ARHGAP31: variants seen among roughly 807,000 people sequenced by gnomAD.
ARHGAP31 encodes the protein rho GTPase-activating protein 31.
In ARHGAP31, 34 loss-of-function variants were observed where a neutral mutation model predicts 113.9. The ratio of observed to expected loss-of-function variants is 0.30; its 90% CI spans 0.23 to 0.40. ARHGAP31 has a LOEUF of 0.40. ARHGAP31 is among the 10% of genes least tolerant of loss of function. The pLI is 1.00. For missense variants in ARHGAP31, 1,548 were observed against 1,767.1 expected, an observed-to-expected ratio of 0.88 and a Z score of 2.22; for synonymous variants, 650 against 684.8, an observed-to-expected ratio of 0.95 and a Z score of 0.79.
At chr3:119,386,330 G>A (rs2080447728) in intron 6 of ARHGAP31, among the ~76,000 whole-genome samples, 2 of 152,144 alleles carry the variant, frequency 1.3e-5, no homozygotes, top group South Asian at 4.1e-4. Context: ...CTGGAGGCTG[G>A]GAATTTCAAG....
intron 11 of ARHGAP31, 147 bp downstream of exon 11, chr3:119,409,923 A>G (rs2080701705): frequency 3.5e-6 from 3 of 849,916 alleles, no homozygotes; most frequent in South Asian, 3.7e-5. Context: ...CTTGTAATGA[A>G]GGTCTGAGAT....
chr3:119,295,140 CTT>C (rs10707359), intron 1 of ARHGAP31, 136 bp downstream of exon 1: 691 of 620,370 alleles, frequency 1.1e-3, no homozygotes, highest in Middle Eastern at 2.2e-3. Context: ...ACTTTTTTTT[CTT>C]TTTTTTTTTT....
chr3:119,340,835 T>G (rs963847034), intron 1 of ARHGAP31, among the ~76,000 whole-genome samples: 3 of 152,218 alleles, frequency 2.0e-5, no homozygotes, highest in Non-Finnish European at 2.9e-5. Context: ...CCAAATCTAT[T>G]ATTCTGCCTT....
At chr3:119,338,428 TAAAC>T (rs1470401482) in intron 1 of ARHGAP31, among the ~76,000 whole-genome samples, 10 of 152,222 alleles carry the variant, frequency 6.6e-5, no homozygotes, top group Middle Eastern at 3.2e-3. Context: ...AGATGTGAAA[TAAAC>T]AAAAATAGCA....
At chr3:119,396,047 AAAG>A (rs995438363) in intron 8 of ARHGAP31, among the ~76,000 whole-genome samples, 1 of 152,232 alleles carries the variant, frequency 6.6e-6, no homozygotes, top group Non-Finnish European at 1.5e-5. Flanking sequence ...TACAGCCATG[AAAG>A]AGGTTCACCA....
intron 1 of ARHGAP31, among the ~76,000 whole-genome samples, chr3:119,351,449 A>G (rs778064035): frequency 6.6e-6 from 1 of 152,190 alleles, no homozygotes; most frequent in Non-Finnish European, 1.5e-5. Context: ...ACTGCACCCC[A>G]GTTTGCCACT....
chr3:119,380,640 G>A (rs2080389072), intron 3 of ARHGAP31, among the ~76,000 whole-genome samples: 1 of 151,562 alleles, frequency 6.6e-6, no homozygotes, highest in African/African-American at 2.4e-5. Flanking sequence ...CTTACCAGAC[G>A]CCTAGCAACC....
At chr3:119,314,042 T>G (rs1261027639) in intron 1 of ARHGAP31, among the ~76,000 whole-genome samples, 1 of 152,208 alleles carries the variant, frequency 6.6e-6, no homozygotes, top group Non-Finnish European at 1.5e-5. Context: ...CGCCTTCACA[T>G]GCAGATACCT....
chr3:119,315,482 T>C (rs2079721430), intron 1 of ARHGAP31, among the ~76,000 whole-genome samples: 1 of 152,224 alleles, frequency 6.6e-6, no homozygotes. Flanking sequence ...CACCTTCTAG[T>C]GAACTTGCCA....
intron 11 of ARHGAP31, among the ~76,000 whole-genome samples, chr3:119,410,786 T>A (rs896508183): frequency 8.5e-5 from 13 of 152,236 alleles, no homozygotes; most frequent in Admixed American, 3.3e-4. Context: ...GGCACTGGCA[T>A]CACTGTAGTG....
chr3:119,340,883 A>T (rs1204931744), intron 1 of ARHGAP31, among the ~76,000 whole-genome samples: 1 of 152,178 alleles, frequency 6.6e-6, no homozygotes, highest in African/African-American at 2.4e-5. Context: ...TTCCGAACAC[A>T]TATCTTGTTT....
chr3:119,322,136 T>C (rs2079793187), intron 1 of ARHGAP31, among the ~76,000 whole-genome samples: 1 of 152,122 alleles, frequency 6.6e-6, no homozygotes, highest in Non-Finnish European at 1.5e-5. Context: ...GATTAAAAGG[T>C]GTGTTATTAG....
intron 1 of ARHGAP31, among the ~76,000 whole-genome samples, chr3:119,313,514 G>C (rs1175053368): frequency 6.6e-6 from 1 of 152,146 alleles, no homozygotes; most frequent in African/African-American, 2.4e-5. Flanking sequence ...TTTGCTGAAC[G>C]AACGAGGGTA....
At chr3:119,381,359 A>G (rs28464970) in intron 4 of ARHGAP31, among the ~76,000 whole-genome samples, 4,029 of 152,224 alleles carry the variant, frequency 0.026, 184 homozygotes, top group African/African-American at 0.091. Flanking sequence ...GCTCTTGAGC[A>G]TTGGCTGATT....
intron 1 of ARHGAP31, among the ~76,000 whole-genome samples, chr3:119,309,589 T>C (rs1310936945): frequency 8.0e-6 from 1 of 125,140 alleles, no homozygotes; most frequent in African/African-American, 2.8e-5. Flanking sequence ...ACTCTGTCTC[T>C]ACAAAAAAAA....
chr3:119,298,216 C>T (rs960785859), intron 1 of ARHGAP31, among the ~76,000 whole-genome samples: 70 of 152,320 alleles, frequency 4.6e-4, no homozygotes, highest in Admixed American at 2.2e-3. Context: ...CAACCCCCAG[C>T]TCTCCCCTGG....
At position 119,393,352 on chromosome 3, in the gene ARHGAP31, G is replaced by A; in HGVS notation, c.882-115G>A. 11 of 1,367,438 alleles carry A rather than the reference G, an allele frequency of 8.0e-6. No individual in the cohort carries two copies. The South Asian group carries it at 1.3e-4, about 16-fold the overall frequency. The allele number at this position is 1,367,438 out of a possible 1,614,324, so 84.7% of individuals were successfully genotyped here. A position where few individuals can be genotyped will look rare whatever the true frequency, so the allele number is the denominator to read the frequency against. ...CTTGGATTTTAGAGGGGAATTTCTT[G>A]AAATATCAGAGCCATTCATAACTGA... On this transcript the variant is annotated intron_variant, in intron 7 of 11. Transcript: ENST00000264245.
At chr3:119,310,925 A>G (rs760783968) in intron 1 of ARHGAP31, among the ~76,000 whole-genome samples, 6 of 152,200 alleles carry the variant, frequency 3.9e-5, no homozygotes, top group Non-Finnish European at 8.8e-5. Flanking sequence ...CAGGCTTTTA[A>G]AGGGGAAAAG....
At chr3:119,319,588 A>G (rs2079764523) in intron 1 of ARHGAP31, among the ~76,000 whole-genome samples, 1 of 152,152 alleles carries the variant, frequency 6.6e-6, no homozygotes, top group African/African-American at 2.4e-5. Context: ...ATTTGCGCTT[A>G]TTTCATTTAA....
Sources: gnomAD v4.1 joint callset for allele counts (sites outside exome capture counted in the v4.1 genomes callset) on GRCh38, gnomAD v4.1.1 for gene constraint, MANE v1.5 for transcripts, NCBI Gene and HGNC (gene_info 2026-07-23, HGNC 2026-07-21) for gene names.